ABHD12B: variants seen among roughly 807,000 people sequenced by gnomAD.
ABHD12B encodes the protein abhydrolase domain containing 12B.
A neutral mutation model predicts 50.4 loss-of-function variants in ABHD12B; 42 were observed. That is an observed-to-expected ratio of 0.83 (90% confidence interval 0.65 to 1.08). ABHD12B has a LOEUF of 1.08. ABHD12B is among the 50% of genes least tolerant of loss of function. The pLI is 0.00. For synonymous variants in ABHD12B, 167 were observed against 160.3 expected (o/e 1.04, Z -0.32); for missense variants, 479 against 447.7 (o/e 1.07, Z -0.63).
intron 8 of ABHD12B, among the ~76,000 whole-genome samples, chr14:50,887,277 AT>A (rs1252650044): frequency 1.3e-5 from 2 of 150,616 alleles, no homozygotes; most frequent in Non-Finnish European, 3.0e-5. Flanking sequence ...GGATAAAAAA[AT>A]ACTGTATCAT....
chr14:50,893,544 G>A (rs2050149230), intron 9 of ABHD12B: 1 of 152,424 alleles, frequency 6.6e-6, no homozygotes, highest in Non-Finnish European at 1.5e-5. Context: ...CTGCACCCAG[G>A]TGAAATAAAC....
intron 1 of ABHD12B, 146 bp from the exon 2 acceptor site, chr14:50,877,806 G>A: frequency 2.9e-6 from 2 of 691,560 alleles, no homozygotes; most frequent in Middle Eastern, 4.5e-4. Context: ...GGCAGAGGTT[G>A]CAGTGAGCTG....
intron 6 of ABHD12B, 23 bp downstream of exon 6, chr14:50,885,682 A>C (rs1415976700): frequency 4.3e-6 from 7 of 1,614,192 alleles, no homozygotes; most frequent in Non-Finnish European, 5.9e-6. Flanking sequence ...AACGGTGTAC[A>C]AAGATGTTTC....
At chr14:50,900,103 A>G (rs1396111435) in intron 9 of ABHD12B, among the ~76,000 whole-genome samples, 2 of 151,418 alleles carry the variant, frequency 1.3e-5, no homozygotes, top group African/African-American at 4.9e-5. Context: ...GTGGTGGCAC[A>G]CCCCTGTAGT....
intron 1 of ABHD12B, among the ~76,000 whole-genome samples, chr14:50,874,372 G>A (rs34841084): frequency 0.22 from 33,453 of 152,048 alleles, 3,970 homozygotes; most frequent in East Asian, 0.3. Flanking sequence ...AAGCCAAGGC[G>A]GGCAGATCAT....
At chr14:50,886,535 A>G (rs2050040396) in intron 7 of ABHD12B, 112 bp from the exon 8 acceptor site, 1 of 935,430 alleles carries the variant, frequency 1.1e-6, no homozygotes. Context: ...TTTTGTGTCT[A>G]TATGCATTTT....
chr14:50,883,207 A>C (rs2049983859), intron 5 of ABHD12B, among the ~76,000 whole-genome samples: 1 of 152,114 alleles, frequency 6.6e-6, no homozygotes, highest in South Asian at 2.1e-4. Flanking sequence ...CTGGTTAGGT[A>C]ATCTCCGCTG....
Position 50,901,904 on chromosome 14 carries a change from G to T in ABHD12B, c.856G>T (p.Asp286Tyr). ...LRKDKIIFPN[D>Y]ENVKFLSSPL... ...AAAAGACAAAATAATCTTTCCTAAT[G>T]ATGAAAAGTAAGTTAATGATGAAAA... The change falls in exon 10 of 13, where the codon GAT becomes TAT. Residue 286 changes from aspartate to tyrosine, a missense_variant. Coordinates refer to ENST00000337334, the MANE Select transcript of ABHD12B (RefSeq NM_001206673.2). 6.3e-7 allele frequency: 1 copy of T among 1,587,092 alleles called. No homozygotes were observed. Among genetic ancestry groups the T allele is most frequent in the South Asian group, 1.1e-5 (1 of 87,194 alleles).
intron 9 of ABHD12B, among the ~76,000 whole-genome samples, chr14:50,900,991 G>A (rs1395574052): frequency 1.3e-5 from 2 of 152,190 alleles, no homozygotes; most frequent in South Asian, 2.1e-4. Context: ...GAATCGGGGA[G>A]CCACTTGGAA....
rs959238565 is a variant in ABHD12B, at chr14:50,872,208, C to T, written c.34C>T (p.Pro12Ser). ...GCAGGACTGCCAGGCGGCCGCATCG[C>T]CCGAGCCGCCCGGGCCCCCAGCCCG... ...DAQDCQAAAS[P>S]EPPGPPARSC... The change falls in exon 1 of 13, where the codon CCC becomes TCC. Residue 12 changes from proline to serine, a missense_variant. Pro to Ser is a moderately conservative substitution (Grantham distance 74). Coordinates refer to ENST00000337334, the MANE Select transcript of ABHD12B (RefSeq NM_001206673.2). 5.8e-6 allele frequency: 8 copies of T among 1,376,352 alleles called. No individual in the cohort carries two copies. In the African/African-American group the frequency reaches 1.1e-4, roughly 18 times the overall value. 85.3% of individuals were successfully genotyped at this position (1,376,352 alleles called of 1,614,324 possible).
intron 9 of ABHD12B, among the ~76,000 whole-genome samples, chr14:50,890,689 C>G (rs552920266): frequency 1.0e-3 from 155 of 152,132 alleles, no homozygotes; most frequent in African/African-American, 3.5e-3. Context: ...ATGTACATAC[C>G]AAAATTTATT....
At chr14:50,882,227 C>T (rs1165808330) in intron 5 of ABHD12B, among the ~76,000 whole-genome samples, 5 of 135,714 alleles carry the variant, frequency 3.7e-5, no homozygotes, top group Middle Eastern at 5.7e-3. Flanking sequence ...CGAACCACCT[C>T]ACCCGGCTGA....
chr14:50,872,263 T>C lies in ABHD12B; in HGVS notation c.89T>C (p.Val30Ala). 7.2e-7 allele frequency: 1 copy of C among 1,379,402 alleles called. No homozygotes were observed. Among genetic ancestry groups the C allele is most frequent in the Non-Finnish European group, 9.4e-7 (1 of 1,063,918 alleles). The allele number at this position is 1,379,402 out of a possible 1,614,324, so 85.4% of individuals were successfully genotyped here. A position where few individuals can be genotyped will look rare whatever the true frequency, so the allele number is the denominator to read the frequency against. ...RSCVAAWWDM[V>A]DRNLRYFPHS... ...TGCGTGGCCGCCTGGTGGGACATGGTCGACCGCAACCTGCGGTGAGTACCG... is the reference window on the plus strand; with the variant it reads ...TGCGTGGCCGCCTGGTGGGACATGGCCGACCGCAACCTGCGGTGAGTACCG... The change falls in exon 1 of 13, where the codon GTC becomes GCC. Residue 30 changes from valine (V) to alanine (A), a missense_variant. Val to Ala is a moderately conservative substitution (Grantham distance 64, BLOSUM62 0). Transcript: ENST00000337334.
intron 9 of ABHD12B, among the ~76,000 whole-genome samples, chr14:50,894,199 G>C (rs373826144): frequency 7.2e-6 from 1 of 139,316 alleles, no homozygotes; most frequent in East Asian, 1.9e-4. Context: ...GGCAAGTCCC[G>C]CTTTCCTGGG....
chr14:50,875,514 G>A (rs76380835), intron 1 of ABHD12B, among the ~76,000 whole-genome samples: 3,391 of 152,280 alleles, frequency 0.022, 126 homozygotes, highest in African/African-American at 0.078. Context: ...CCTGTGGGAC[G>A]CTGTGTGGTT....
At chr14:50,888,096 T>C (rs1042888230) in intron 8 of ABHD12B, among the ~76,000 whole-genome samples, 2 of 152,224 alleles carry the variant, frequency 1.3e-5, no homozygotes, top group African/African-American at 4.8e-5. Context: ...CTTTTCTAAT[T>C]GTTCTTAGAG....
At chr14:50,894,026 C>A (rs1220190965) in intron 9 of ABHD12B, among the ~76,000 whole-genome samples, 1 of 152,260 alleles carries the variant, frequency 6.6e-6, no homozygotes, top group Non-Finnish European at 1.5e-5. Context: ...GGGTGTCAGA[C>A]CACGCAGGGA....
chr14:50,904,478 A>C lies in ABHD12B; in HGVS notation c.*112A>C. ...CTGGTCGGATGAGCTGAGGCCATTG[A>C]CTTCTCTACAAATCACTTGCCATTT... On this transcript the variant is annotated 3_prime_UTR_variant, in exon 13 of 13. Transcript: ENST00000337334. The C allele has an allele frequency of 7.4e-7, 1 of 1,351,282 alleles. No individual in the cohort carries two copies. Among genetic ancestry groups the C allele is most frequent in the Non-Finnish European group, 1.0e-6 (1 of 953,306 alleles). The allele number at this position is 1,351,282 out of a possible 1,614,324, so 83.7% of individuals were successfully genotyped here. A position where few individuals can be genotyped will look rare whatever the true frequency, so the allele number is the denominator to read the frequency against.
intron 1 of ABHD12B, among the ~76,000 whole-genome samples, chr14:50,873,395 G>T (rs911237224): frequency 1.2e-4 from 19 of 152,256 alleles, no homozygotes; most frequent in African/African-American, 4.1e-4. Context: ...ATTTTGTGTA[G>T]ATATGGGTTT....
Sources: gnomAD v4.1 joint callset for allele counts (sites outside exome capture counted in the v4.1 genomes callset) on GRCh38, gnomAD v4.1.1 for gene constraint, MANE v1.5 for transcripts, NCBI Gene and HGNC (gene_info 2026-07-23, HGNC 2026-07-21) for gene names.